SLF2: variants seen among roughly 807,000 people sequenced by gnomAD.
SLF2 encodes SMC5-SMC6 complex localization factor protein 2.
Under a neutral mutation model 124.3 loss-of-function variants are expected in SLF2, and 68 were observed. The ratio of observed to expected loss-of-function variants is 0.55; its 90% CI spans 0.45 to 0.67. The LOEUF (loss-of-function observed/expected upper bound fraction) is 0.67. Ranked by LOEUF, SLF2 falls within the 30% of genes least tolerant of loss-of-function variation. The pLI is 0.00. For synonymous variants in SLF2, 480 were observed against 478.8 expected (o/e 1.00, Z -0.03); for missense variants, 1,246 against 1,373.7 (o/e 0.91, Z 1.47).
At chr10:100,931,181 T>C (rs1849728024) in intron 9 of SLF2, 103 bp downstream of exon 9, 3 of 846,250 alleles carry the variant, frequency 3.5e-6, no homozygotes, top group Non-Finnish European at 5.7e-6. Flanking sequence ...AAAAAATTAA[T>C]GTAGCACATC....
chr10:100,946,905 C>T, intron 13 of SLF2, 134 bp from the exon 14 acceptor site: 1 of 683,558 alleles, frequency 1.5e-6, no homozygotes, highest in South Asian at 1.8e-5. Context: ...TTCTAGACTC[C>T]ATGCTATTTC....
chr10:100,954,570 A>G (rs959048544), intron 17 of SLF2, among the ~76,000 whole-genome samples: 3 of 152,184 alleles, frequency 2.0e-5, no homozygotes, highest in African/African-American at 7.2e-5. Context: ...AGGTCTATAC[A>G]TTTCTAAAAT....
intron 1 of SLF2, 43 bp downstream of exon 1, chr10:100,913,293 A>G: frequency 1.3e-6 from 2 of 1,516,962 alleles, no homozygotes; most frequent in East Asian, 2.6e-5. Flanking sequence ...TCGCGGGGGC[A>G]AGGGTATGAG....
At chr10:100,934,021 G>T (rs1849797255) in intron 9 of SLF2, among the ~76,000 whole-genome samples, 1 of 152,196 alleles carries the variant, frequency 6.6e-6, no homozygotes, top group Non-Finnish European at 1.5e-5. Flanking sequence ...ATCTGTTTGA[G>T]TGAACAGTTT....
Position 100,930,969 on chromosome 10 carries a change from T to G in SLF2, c.2334-7T>G. On this transcript the variant is annotated splice_polypyrimidine_tract_variant and splice_region_variant and intron_variant, in intron 8 of 19. Coordinates refer to ENST00000238961, the MANE Select transcript of SLF2 (RefSeq NM_018121.4). ...ATAGCCATGTTGATTTTACTTTATT[T>G]TTTCAGATCGGGAAAAACAGATCAG... 6.2e-7 allele frequency: 1 copy of G among 1,611,330 alleles called. No individual in the cohort carries two copies. Among genetic ancestry groups the G allele is most frequent in the Non-Finnish European group, 8.5e-7 (1 of 1,177,840 alleles).
chr10:100,938,490 A>T, intron 10 of SLF2, 105 bp from the exon 11 acceptor site: 1 of 1,151,134 alleles, frequency 8.7e-7, no homozygotes, highest in Non-Finnish European at 1.2e-6. Flanking sequence ...TGTCATTTCT[A>T]TAAAACCATT....
rs778996128 is a variant in SLF2 at position 100,950,063 on chromosome 10, T to C, written c.3121-13T>C. On this transcript the variant is annotated splice_polypyrimidine_tract_variant and intron_variant, in intron 15 of 19. Coordinates refer to ENST00000238961, the MANE Select transcript of SLF2 (RefSeq NM_018121.4). ...ATTTAGCTTTGTTCAATGTCTCCTC[T>C]TTCTTTTGATAGGTATCAGTCCTAC... is the stretch of plus-strand genomic sequence containing the variant. The C allele has an allele frequency of 1.2e-5, 18 of 1,552,616 alleles. 1 individual carries two copies. The Admixed American group carries it at 3.4e-4, about 30-fold the overall frequency.
chr10:100,957,329 A>AAT (rs1564786194), intron 18 of SLF2, among the ~76,000 whole-genome samples: 4 of 80,538 alleles, frequency 5.0e-5, no homozygotes, highest in African/African-American at 1.6e-4. Context: ...AGGAGTCTTC[A>AAT]ATTTTTTTTT....
intron 6 of SLF2, chr10:100,926,758 A>G: frequency 6.6e-6 from 1 of 152,234 alleles, no homozygotes. Flanking sequence ...ATAAAAAAAA[A>G]AATTAGCTGG....
rs112139137 is a variant in SLF2 at position 100,960,029 on chromosome 10, C to T, written c.3486+533C>T. On this transcript the variant is annotated intron_variant, in intron 19 of 19. Coordinates refer to ENST00000238961, the MANE Select transcript of SLF2 (RefSeq NM_018121.4). ...CTATACATTTCCCTATTCTGGACAT[C>T]GGTAAATGAGATATACTATGTAATC... Among the ~76,000 whole-genome samples the T allele has an allele frequency of 4.8e-3, 727 of 152,282 alleles. 7 individuals carry two copies. The highest frequency in any genetic ancestry group is 0.017 in the African/African-American group (698 of 41,566).
intron 1 of SLF2, 68 bp downstream of exon 1, chr10:100,913,318 C>G: frequency 7.2e-7 from 1 of 1,381,854 alleles, no homozygotes; most frequent in Non-Finnish European, 9.4e-7. Context: ...GGGCTGCAGA[C>G]CGCCGCTCTT....
intron 1 of SLF2, 82 bp downstream of exon 1, chr10:100,913,332 G>T: frequency 2.2e-6 from 3 of 1,384,614 alleles, no homozygotes; most frequent in Non-Finnish European, 2.8e-6. Flanking sequence ...CGCTCTTCCA[G>T]TTCCCGCCAT....
chr10:100,919,526 A>G (rs570934473), intron 4 of SLF2, among the ~76,000 whole-genome samples: 1 of 152,216 alleles, frequency 6.6e-6, no homozygotes, highest in African/African-American at 2.4e-5. Context: ...AAAATATAAA[A>G]TAACAAATCT....
intron 6 of SLF2, among the ~76,000 whole-genome samples, chr10:100,927,542 T>C (rs1414087437): frequency 6.6e-6 from 1 of 152,256 alleles, no homozygotes; most frequent in Non-Finnish European, 1.5e-5. Flanking sequence ...ATAATGCTGC[T>C]ATGAACATGG....
intron 12 of SLF2, 36 bp downstream of exon 12, chr10:100,944,164 C>A: frequency 3.6e-6 from 5 of 1,374,232 alleles, no homozygotes; most frequent in Non-Finnish European, 5.1e-6. Flanking sequence ...CTGCTCAGAG[C>A]TAGAACCATT....
chr10:100,928,724 G>A (rs543102259), intron 6 of SLF2, among the ~76,000 whole-genome samples: 11 of 152,220 alleles, frequency 7.2e-5, no homozygotes, highest in Admixed American at 5.2e-4. Flanking sequence ...TCTAATGTTG[G>A]TTTTCTTATC....
rs371830328 is a variant in SLF2, at chr10:100,913,396, C to T, written c.140+146C>T. The T allele has an allele frequency of 7.6e-5, 104 of 1,363,880 alleles. No individual in the cohort carries two copies. In the East Asian group the frequency reaches 2.6e-3, roughly 34 times the overall value. The allele number at this position is 1,363,880 out of a possible 1,614,324, so 84.5% of individuals were successfully genotyped here. ...GGGGCCTGGCAAATCCCCGCCCCGCCTCCGCGCAGGGGCTACTGGGAGTTG... is the reference window on the plus strand; with the variant it reads ...GGGGCCTGGCAAATCCCCGCCCCGCTTCCGCGCAGGGGCTACTGGGAGTTG... On this transcript the variant is annotated intron_variant, in intron 1 of 19. Transcript: ENST00000238961.
intron 8 of SLF2, 47 bp downstream of exon 8, chr10:100,930,044 C>T (rs200920176): frequency 1.6e-6 from 2 of 1,232,626 alleles, no homozygotes; most frequent in Non-Finnish European, 2.2e-6. Context: ...TAAAAAATTA[C>T]TCTAAAACAC....
At chr10:100,915,383 T>C (rs1180612239) in intron 1 of SLF2, among the ~76,000 whole-genome samples, 2 of 152,188 alleles carry the variant, frequency 1.3e-5, no homozygotes, top group East Asian at 1.9e-4. Context: ...GGTATTTTTC[T>C]TTTCTGCCCT....
Sources: allele counts gnomAD v4.1 joint callset (sites outside exome capture counted in the v4.1 genomes callset), GRCh38; gene constraint gnomAD v4.1.1; transcripts MANE v1.5; gene names NCBI Gene and HGNC (gene_info 2026-07-23, HGNC 2026-07-21).